Variants in PRKCB observed in about 807,000 individuals in gnomAD.
PRKCB encodes the protein protein kinase C beta type.
In PRKCB, 13 loss-of-function variants were observed where a neutral mutation model predicts 81.5. The observed-to-expected ratio is 0.16, with a 90% CI of 0.10 to 0.25. The LOEUF (loss-of-function observed/expected upper bound fraction) is 0.25. PRKCB is among the 10% of genes least tolerant of loss of function. The pLI, the probability that PRKCB is intolerant of heterozygous loss-of-function variation, is 1.00. For missense variants in PRKCB, 509 were observed against 875.7 expected (o/e 0.58, Z 5.29); for synonymous variants, 335 against 321.4 (o/e 1.04, Z -0.45).
At chr16:23,947,468 A>G (rs993940875) in intron 2 of PRKCB, among the ~76,000 whole-genome samples, 6 of 152,016 alleles carry the variant, frequency 3.9e-5, no homozygotes, top group Non-Finnish European at 5.9e-5. Flanking sequence ...CCCTTTTTAG[A>G]TTCAATTTCT....
intron 2 of PRKCB, among the ~76,000 whole-genome samples, chr16:23,949,729 C>T (rs1020582562): frequency 1.3e-5 from 2 of 152,210 alleles, no homozygotes; most frequent in African/African-American, 4.8e-5. Flanking sequence ...GTCCAGTAGG[C>T]ATGAAGCCAG....
intron 2 of PRKCB, among the ~76,000 whole-genome samples, chr16:23,957,331 T>C (rs1964362995): frequency 6.6e-6 from 1 of 152,176 alleles, no homozygotes; most frequent in East Asian, 1.9e-4. Context: ...CTAGTGCACA[T>C]GTAGTAAACT....
At chr16:23,937,885 T>C (rs894590480) in intron 2 of PRKCB, among the ~76,000 whole-genome samples, 6 of 152,112 alleles carry the variant, frequency 3.9e-5, no homozygotes, top group African/African-American at 1.2e-4. Context: ...TGGTGGTGAA[T>C]TGAACGTTCA....
chr16:24,172,990 G>A (rs1967467542), intron 11 of PRKCB, among the ~76,000 whole-genome samples: 1 of 152,176 alleles, frequency 6.6e-6, no homozygotes, highest in Admixed American at 6.5e-5. Flanking sequence ...CAAGGAAATG[G>A]AGATGCAAGG....
At chr16:24,033,184 G>A (rs1415473434) in intron 4 of PRKCB, among the ~76,000 whole-genome samples, 1 of 152,184 alleles carries the variant, frequency 6.6e-6, no homozygotes, top group Admixed American at 6.5e-5. Context: ...GCAGCAGGCT[G>A]GGTGTCATGA....
intron 16 of PRKCB, among the ~76,000 whole-genome samples, chr16:24,192,655 T>G (rs569286377): frequency 6.6e-6 from 1 of 152,270 alleles, no homozygotes; most frequent in South Asian, 2.1e-4. Context: ...GGGGGTCATG[T>G]TATAGCTGTA....
intron 3 of PRKCB, among the ~76,000 whole-genome samples, chr16:23,993,805 A>G (rs1410188684): frequency 3.3e-5 from 5 of 152,250 alleles, no homozygotes; most frequent in Non-Finnish European, 5.9e-5. Flanking sequence ...AGCCTGACTC[A>G]TGCAGACCTA....
intron 5 of PRKCB, among the ~76,000 whole-genome samples, chr16:24,077,299 A>C (rs1966190198): frequency 6.6e-6 from 1 of 152,094 alleles, no homozygotes; most frequent in Admixed American, 6.6e-5. Flanking sequence ...ATAATAAGAA[A>C]ATGGAAAGGA....
chr16:24,096,980 C>T (rs1392464502), intron 7 of PRKCB, among the ~76,000 whole-genome samples: 1 of 149,748 alleles, frequency 6.7e-6, no homozygotes, highest in African/African-American at 2.5e-5. Context: ...TCTTTCCTTT[C>T]CATTGTTCAC....
intron 10 of PRKCB, among the ~76,000 whole-genome samples, chr16:24,163,885 G>A (rs556881132): frequency 6.6e-6 from 1 of 152,320 alleles, no homozygotes; most frequent in Non-Finnish European, 1.5e-5. Flanking sequence ...CAGTATAACT[G>A]TGACTAGAAC....
chr16:23,977,305 C>T (rs368461232), intron 2 of PRKCB, among the ~76,000 whole-genome samples: 5 of 152,084 alleles, frequency 3.3e-5, no homozygotes, highest in East Asian at 3.9e-4. Flanking sequence ...GGTGGAGGTG[C>T]GTTCAGAGTA....
chr16:24,130,629 A>G (rs1425514082), intron 9 of PRKCB, among the ~76,000 whole-genome samples: 1 of 152,208 alleles, frequency 6.6e-6, no homozygotes, highest in Non-Finnish European at 1.5e-5. Context: ...TAAGACGTTT[A>G]AGACAGGCGC....
intron 16 of PRKCB, among the ~76,000 whole-genome samples, chr16:24,209,171 T>C (rs1331824026): frequency 6.6e-6 from 1 of 152,142 alleles, no homozygotes; most frequent in African/African-American, 2.4e-5. Flanking sequence ...TCTCAGCAAA[T>C]GTGCTTCCTA....
chr16:24,199,449 G>A (rs1033740830), intron 16 of PRKCB, among the ~76,000 whole-genome samples: 1 of 152,116 alleles, frequency 6.6e-6, no homozygotes, highest in Non-Finnish European at 1.5e-5. Flanking sequence ...TTTCTGAATT[G>A]AATCCAGAAA....
chr16:24,034,226 T>C (rs1965584639), intron 4 of PRKCB, among the ~76,000 whole-genome samples: 1 of 152,178 alleles, frequency 6.6e-6, no homozygotes, highest in African/African-American at 2.4e-5. Context: ...GGTGCTCAGG[T>C]CCCAGAGGGC....
chr16:23,873,202 A>AGAAAG (rs1555480619), intron 2 of PRKCB, among the ~76,000 whole-genome samples: 4 of 83,422 alleles, frequency 4.8e-5, no homozygotes, highest in Non-Finnish European at 9.1e-5. Context: ...AAAAAAAAAA[A>AGAAAG]AAAAAAAGAA....
chr16:24,207,784 T>G (rs77035336), intron 16 of PRKCB, among the ~76,000 whole-genome samples: 5,764 of 152,214 alleles, frequency 0.038, 145 homozygotes, highest in Middle Eastern at 0.11. Context: ...GTGACACTGC[T>G]CTGGAGACAG....
At chr16:24,070,198 G>T (rs1365772478) in intron 5 of PRKCB, among the ~76,000 whole-genome samples, 2 of 151,082 alleles carry the variant, frequency 1.3e-5, no homozygotes, top group Admixed American at 6.6e-5. Context: ...GTCCAGGCTG[G>T]AGTGCAGTGG....
intron 2 of PRKCB, among the ~76,000 whole-genome samples, chr16:23,979,794 T>C (rs1964671010): frequency 6.6e-6 from 1 of 152,202 alleles, no homozygotes; most frequent in African/African-American, 2.4e-5. Context: ...CTGAACAACC[T>C]TGGGCAAATT....
Sources: allele counts gnomAD v4.1 joint callset (sites outside exome capture counted in the v4.1 genomes callset), GRCh38; gene constraint gnomAD v4.1.1; transcripts MANE v1.5; gene names NCBI Gene and HGNC (gene_info 2026-07-23, HGNC 2026-07-21).